OSBP2: variants seen among roughly 807,000 people sequenced by gnomAD.
The protein encoded by OSBP2 is oxysterol binding protein 2.
In OSBP2, 66 loss-of-function variants were observed where a neutral mutation model predicts 96.0. That is an observed-to-expected ratio of 0.69 (90% CI 0.56 to 0.84). The LOEUF (loss-of-function observed/expected upper bound fraction) is 0.84. Among genes scored for constraint, OSBP2 ranks in the 40% least tolerant of loss-of-function variants. The pLI, the probability that OSBP2 is intolerant of heterozygous loss-of-function variation, is 0.00. For synonymous variants in OSBP2, 525 were observed against 520.9 expected, an observed-to-expected ratio of 1.01 and a Z score of -0.11; for missense variants, 1,038 against 1,222.7, an observed-to-expected ratio of 0.85 and a Z score of 2.25.
intron 2 of OSBP2, among the ~76,000 whole-genome samples, chr22:30,847,553 T>G (rs997618096): frequency 6.6e-6 from 1 of 152,224 alleles, no homozygotes; most frequent in African/African-American, 2.4e-5. Flanking sequence ...GTGCTGAGAT[T>G]ACAGGTGTGA....
chr22:30,895,513 A>G (rs1485206005), intron 12 of OSBP2, among the ~76,000 whole-genome samples: 1 of 152,222 alleles, frequency 6.6e-6, no homozygotes, highest in African/African-American at 2.4e-5. Context: ...AATAACCAAC[A>G]TTGGATTAAT....
chr22:30,828,769 C>T (rs1310159519), intron 2 of OSBP2, among the ~76,000 whole-genome samples: 3 of 152,058 alleles, frequency 2.0e-5, no homozygotes, highest in Non-Finnish European at 2.9e-5. Flanking sequence ...GGCGAGAGCT[C>T]AAGGAAGGAG....
intron 2 of OSBP2, among the ~76,000 whole-genome samples, chr22:30,833,182 G>T (rs2147009291): frequency 6.6e-6 from 1 of 152,292 alleles, no homozygotes; most frequent in East Asian, 1.9e-4. Context: ...CAAGGAAACT[G>T]AGGCCTAGAA....
chr22:30,876,394 G>T (rs775013633), intron 3 of OSBP2, among the ~76,000 whole-genome samples: 2 of 152,224 alleles, frequency 1.3e-5, no homozygotes, highest in Non-Finnish European at 2.9e-5. Context: ...CAACTGTGTG[G>T]GTGGTGGCCT....
chr22:30,807,750 C>T (rs1276281039), intron 2 of OSBP2, among the ~76,000 whole-genome samples: 1 of 152,190 alleles, frequency 6.6e-6, no homozygotes, highest in Non-Finnish European at 1.5e-5. Flanking sequence ...AAATCCAGAG[C>T]ACGCTTGCTC....
chr22:30,709,272 A>G (rs2089306546), intron 1 of OSBP2, among the ~76,000 whole-genome samples: 1 of 151,976 alleles, frequency 6.6e-6, no homozygotes, highest in African/African-American at 2.4e-5. Context: ...ATTTGTTTGT[A>G]TTGGGACTCA....
Position 30,783,411 on chromosome 22 carries a change from CCTCCTGGGTTCAAGCGATT to C in OSBP2, c.853+42049_853+42067del, listed in dbSNP as rs200027754. Among the ~76,000 whole-genome samples the C allele has an allele frequency of 4.9e-4, 74 of 149,916 alleles. No individual in the cohort carries two copies. The East Asian group carries it at 8.5e-3, about 17-fold the overall frequency. On this transcript the variant is annotated intron_variant, in intron 2 of 13. Transcript: ENST00000332585. ...GCTCACTGCAGCCTCCAAACCTCCA[CCTCCTGGGTTCAAGCGATT>C]CTCCTGCCTCAGTCCCAAGTAGCTG...
chr22:30,888,156 TG>T, intron 4 of OSBP2, 66 bp from the exon 5 acceptor site: 1 of 1,071,592 alleles, frequency 9.3e-7, no homozygotes. Context: ...CCCTTGGCTC[TG>T]GACTTAGGGA....
chr22:30,829,367 A>G (rs2038473908), intron 2 of OSBP2, among the ~76,000 whole-genome samples: 1 of 152,186 alleles, frequency 6.6e-6, no homozygotes, highest in Non-Finnish European at 1.5e-5. Flanking sequence ...ATCTCGGCTC[A>G]CTGCAACCTC....
intron 2 of OSBP2, among the ~76,000 whole-genome samples, chr22:30,840,727 C>A (rs2038735419): frequency 3.9e-5 from 6 of 152,010 alleles, no homozygotes; most frequent in Admixed American, 3.9e-4. Flanking sequence ...TTGTTCCTTT[C>A]TGTATGGTGG....
chr22:30,751,181 C>T (rs924968540), intron 2 of OSBP2, among the ~76,000 whole-genome samples: 4 of 152,084 alleles, frequency 2.6e-5, no homozygotes, highest in African/African-American at 7.2e-5. Context: ...ATTGAAGTTT[C>T]GTGTCTCCCT....
intron 1 of OSBP2, among the ~76,000 whole-genome samples, chr22:30,730,815 T>TATTA (rs1569100855): frequency 8.7e-6 from 1 of 115,216 alleles, no homozygotes; most frequent in Non-Finnish European, 1.8e-5. Context: ...TATAATTTTT[T>TATTA]TTTTTTTTCC....
At chr22:30,859,839 C>G (rs1295972626) in intron 2 of OSBP2, among the ~76,000 whole-genome samples, 1 of 152,176 alleles carries the variant, frequency 6.6e-6, no homozygotes, top group Admixed American at 6.5e-5. Context: ...ATGTCAGGAC[C>G]CTGGGAGAGC....
intron 5 of OSBP2, among the ~76,000 whole-genome samples, chr22:30,888,634 G>A (rs2039870355): frequency 6.6e-6 from 1 of 152,150 alleles, no homozygotes; most frequent in Non-Finnish European, 1.5e-5. Context: ...AGGCTGAAGT[G>A]GGAGGGTCGC....
intron 2 of OSBP2, among the ~76,000 whole-genome samples, chr22:30,782,796 G>A (rs113882201): frequency 6.6e-6 from 1 of 152,236 alleles, no homozygotes; most frequent in Non-Finnish European, 1.5e-5. Context: ...TAGAATGGCT[G>A]ACTCAGGGTA....
intron 1 of OSBP2, among the ~76,000 whole-genome samples, chr22:30,700,856 C>T (rs1376555862): frequency 1.3e-5 from 2 of 151,560 alleles, no homozygotes; most frequent in Non-Finnish European, 2.9e-5. Context: ...GAGGCTGAGG[C>T]GGGCAGATCA....
intron 2 of OSBP2, among the ~76,000 whole-genome samples, chr22:30,764,073 G>C (rs986336974): frequency 6.6e-6 from 1 of 152,222 alleles, no homozygotes; most frequent in African/African-American, 2.4e-5. Flanking sequence ...GTAAGAAACC[G>C]ATACAGAGCT....
rs1199221543 is a variant in OSBP2 at position 30,887,588 on chromosome 22, C to T, written c.1270C>T (p.Pro424Ser). The change falls in exon 4 of 14, where the codon CCG (proline) becomes TCG (serine). Residue 424 changes from proline (P) to serine (S), a missense_variant. This residue lies in a region of OSBP2 where 737 missense variants were observed against 913.3 expected (regional missense o/e 0.81). Coordinates refer to ENST00000332585, the MANE Select transcript of OSBP2 (RefSeq NM_030758.4). ...ERAFHSAPGRPANPSKSFIEG... is the reference protein window; with the variant it reads ...ERAFHSAPGRSANPSKSFIEG... ...GGCCTTCCACAGTGCCCCTGGCCGG[C>T]CGGCCAACCCCTCCAAGAGCTTCAT... 1.2e-6 allele frequency: 2 copies of T among 1,608,630 alleles called. No individual in the cohort carries two copies. Among genetic ancestry groups the T allele is most frequent in the Non-Finnish European group, 1.7e-6 (2 of 1,178,086 alleles).
rs551836680 is a variant in OSBP2 at position 30,823,354 on chromosome 22, CCTT to C, written c.854-47071_854-47069del. On this transcript the variant is annotated intron_variant, in intron 2 of 13. Transcript: ENST00000332585. ...TGCCTGCAATTCCTGATGCTTGAAA[CCTT>C]CTTTATTGGAAATTTTGCGTGAGTG... 4.7e-3 allele frequency among the ~76,000 whole-genome samples: 716 copies of C among 152,320 alleles called. 5 individuals are homozygous for C. The highest frequency in any genetic ancestry group is 0.015 in the African/African-American group (621 of 41,554).
Sources: allele counts gnomAD v4.1 joint callset (sites outside exome capture counted in the v4.1 genomes callset), GRCh38; gene constraint gnomAD v4.1.1; regional missense constraint gnomAD v4.1.1; transcripts MANE v1.5; gene names NCBI Gene and HGNC (gene_info 2026-07-23, HGNC 2026-07-21).